SBF2: variants seen among roughly 807,000 people sequenced by gnomAD.
SBF2 encodes the protein SET binding factor 2.
SBF2 carries 112 observed loss-of-function variants against 225.2 expected under a neutral mutation model. The observed-to-expected ratio is 0.50, with a 90% CI of 0.43 to 0.58. SBF2 has a LOEUF of 0.58. Ranked by LOEUF, SBF2 falls within the 20% of genes least tolerant of loss-of-function variation. The pLI is 0.00. For missense variants in SBF2, 1,996 were observed against 2,206.2 expected (o/e 0.90, Z 1.91); for synonymous variants, 763 against 773.3 (o/e 0.99, Z 0.22).
At chr11:9,960,959 G>C in intron 16 of SBF2, 1 of 139,556 alleles carries the variant, frequency 7.2e-6, no homozygotes, top group Non-Finnish European at 1.6e-5. Flanking sequence ...CACTGTGCCT[G>C]GCCAAATAAT....
chr11:9,901,887 C>T (rs1217940418), intron 16 of SBF2, among the ~76,000 whole-genome samples: 3 of 152,166 alleles, frequency 2.0e-5, no homozygotes, highest in African/African-American at 7.2e-5. Context: ...TCAAGTGATC[C>T]TCCCACATTT....
chr11:10,289,240 G>A (rs533807460), intron 1 of SBF2, among the ~76,000 whole-genome samples: 1 of 152,226 alleles, frequency 6.6e-6, no homozygotes, highest in African/African-American at 2.4e-5. Flanking sequence ...CCTGGCCCCT[G>A]AGAGTGCAAA....
Position 9,895,928 on chromosome 11 carries a change from A to C in SBF2, c.1929+15T>G, listed in dbSNP as rs747124519. The C allele has an allele frequency of 6.4e-7, 1 of 1,574,282 alleles. No individual in the cohort carries two copies. Among genetic ancestry groups the C allele is most frequent in the Admixed American group, 1.7e-5 (1 of 59,954 alleles). ...TAAATCATAACAAGCTTATATATGG[A>C]CCAATGAAACTTACCCTATAGAAAG... On this transcript the variant is annotated intron_variant, in intron 17 of 39. Coordinates refer to ENST00000256190, the MANE Select transcript of SBF2 (RefSeq NM_030962.4).
intron 1 of SBF2, among the ~76,000 whole-genome samples, chr11:10,216,147 C>A (rs781694742): frequency 6.6e-6 from 1 of 152,134 alleles, no homozygotes; most frequent in Non-Finnish European, 1.5e-5. Context: ...ATATCTTACT[C>A]AAAATCCTTA....
intron 6 of SBF2, among the ~76,000 whole-genome samples, chr11:10,018,575 A>G (rs1411748663): frequency 1.3e-5 from 2 of 152,178 alleles, no homozygotes; most frequent in Non-Finnish European, 2.9e-5. Context: ...AGATAATTCA[A>G]TGCAAAGATA....
intron 22 of SBF2, among the ~76,000 whole-genome samples, chr11:9,848,423 T>C (rs988807057): frequency 4.6e-5 from 7 of 152,220 alleles, no homozygotes; most frequent in African/African-American, 1.4e-4. Context: ...CTAAGTGAAA[T>C]TAATTCAAAA....
chr11:9,984,903 A>C (rs963707588), intron 13 of SBF2, among the ~76,000 whole-genome samples: 13 of 152,204 alleles, frequency 8.5e-5, no homozygotes, highest in African/African-American at 3.1e-4. Context: ...CCATTACCAA[A>C]CCACCACTAC....
At position 10,029,748 on chromosome 11, in the gene SBF2, C is replaced by T; in HGVS notation, c.513+17G>A. 1 of 1,499,308 alleles carries T rather than the reference C, an allele frequency of 6.7e-7. No homozygotes were observed. Among genetic ancestry groups the T allele is most frequent in the Non-Finnish European group, 9.3e-7 (1 of 1,075,444 alleles). The allele number at this position is 1,499,308 out of a possible 1,614,324, so 92.9% of individuals were successfully genotyped here. A position where few individuals can be genotyped will look rare whatever the true frequency, so the allele number is the denominator to read the frequency against. On this transcript the variant is annotated intron_variant, in intron 5 of 39. Coordinates refer to ENST00000256190, the MANE Select transcript of SBF2 (RefSeq NM_030962.4). Reference sequence around the variant, plus strand: ...AGAGGAACAATCCTTCTCCACCTCTCTTTCTATTCTATTTACCTGAGACCC... The same window carrying T: ...AGAGGAACAATCCTTCTCCACCTCTTTTTCTATTCTATTTACCTGAGACCC...
intron 32 of SBF2, among the ~76,000 whole-genome samples, chr11:9,805,468 TC>T (rs1362190788): frequency 1.3e-5 from 2 of 152,142 alleles, no homozygotes; most frequent in Non-Finnish European, 2.9e-5. Flanking sequence ...CCAGTTATAT[TC>T]AAATCGGATA....
At chr11:10,175,772 C>G (rs2135266512) in intron 2 of SBF2, among the ~76,000 whole-genome samples, 1 of 152,086 alleles carries the variant, frequency 6.6e-6, no homozygotes, top group African/African-American at 2.4e-5. Flanking sequence ...GTAAAGCACT[C>G]CTCAGCAAAT....
intron 17 of SBF2, among the ~76,000 whole-genome samples, chr11:9,892,657 T>C (rs1329876752): frequency 2.0e-5 from 3 of 151,908 alleles, no homozygotes; most frequent in African/African-American, 7.3e-5. Flanking sequence ...CCTCCAAGGT[T>C]CAAGCAATTC....
chr11:10,057,381 AC>A (rs1565181322), intron 2 of SBF2, among the ~76,000 whole-genome samples: 1 of 152,118 alleles, frequency 6.6e-6, no homozygotes, highest in Non-Finnish European at 1.5e-5. Flanking sequence ...AGGAGCAAAG[AC>A]CCTAAGTACC....
At chr11:10,076,135 G>A (rs191214626) in intron 2 of SBF2, among the ~76,000 whole-genome samples, 19 of 152,314 alleles carry the variant, frequency 1.2e-4, no homozygotes, top group Admixed American at 1.2e-3. Flanking sequence ...GTGTATGACG[G>A]GGGAGAGAGT....
intron 1 of SBF2, among the ~76,000 whole-genome samples, chr11:10,246,529 T>C (rs920981497): frequency 1.3e-5 from 2 of 152,190 alleles, no homozygotes; most frequent in Non-Finnish European, 2.9e-5. Context: ...GTGATCTGCC[T>C]GCCTCAGCCT....
chr11:10,248,028 G>T (rs1216271872), intron 1 of SBF2, among the ~76,000 whole-genome samples: 1 of 152,104 alleles, frequency 6.6e-6, no homozygotes, highest in Non-Finnish European at 1.5e-5. Flanking sequence ...CAGATATTAA[G>T]TTTGTTAAAT....
chr11:10,040,789 GA>G (rs1268314196), intron 3 of SBF2, among the ~76,000 whole-genome samples: 1 of 151,678 alleles, frequency 6.6e-6, no homozygotes, highest in Admixed American at 6.6e-5. Flanking sequence ...AAGGGATAAA[GA>G]GAGGAAAGAA....
chr11:9,880,674 C>G (rs1859687864), intron 17 of SBF2, among the ~76,000 whole-genome samples: 1 of 152,204 alleles, frequency 6.6e-6, no homozygotes, highest in Non-Finnish European at 1.5e-5. Flanking sequence ...CACTGCCCTA[C>G]TCAAGAGTAT....
At chr11:10,160,513 G>C (rs937568284) in intron 2 of SBF2, among the ~76,000 whole-genome samples, 1 of 152,186 alleles carries the variant, frequency 6.6e-6, no homozygotes, top group African/African-American at 2.4e-5. Context: ...CGGAAAAATA[G>C]AGGAATTACG....
chr11:10,061,161 G>C (rs968879199), intron 2 of SBF2, among the ~76,000 whole-genome samples: 3 of 151,956 alleles, frequency 2.0e-5, no homozygotes, highest in Admixed American at 6.6e-5. Context: ...ATCCCTTCAC[G>C]TTAAGAACTC....
Sources: allele counts gnomAD v4.1 joint callset (sites outside exome capture counted in the v4.1 genomes callset), GRCh38; gene constraint gnomAD v4.1.1; transcripts MANE v1.5; gene names NCBI Gene and HGNC (gene_info 2026-07-23, HGNC 2026-07-21).